Variants in MAP4K5 observed in about 807,000 individuals in gnomAD.
MAP4K5 encodes mitogen-activated protein kinase kinase kinase kinase 5, also known as MAPK/ERK kinase kinase kinase 5.
MAP4K5 carries 82 observed loss-of-function variants against 135.6 expected under a neutral mutation model. The ratio of observed to expected loss-of-function variants is 0.60; its 90% CI spans 0.51 to 0.73. The LOEUF (loss-of-function observed/expected upper bound fraction) is 0.73, where lower values mean the gene tolerates loss of function less well. Ranked by LOEUF, MAP4K5 falls within the 30% of genes least tolerant of loss-of-function variation. The pLI, the probability that MAP4K5 is intolerant of heterozygous loss-of-function variation, is 0.00. For synonymous variants in MAP4K5, 347 were observed against 335.0 expected (o/e 1.04, Z -0.39); for missense variants, 907 against 1,010.9 (o/e 0.90, Z 1.39).
intron 3 of MAP4K5, among the ~76,000 whole-genome samples, chr14:50,491,924 C>T (rs906408892): frequency 6.6e-6 from 1 of 152,006 alleles, no homozygotes; most frequent in Admixed American, 6.6e-5. Context: ...TGAGCTCAGG[C>T]GATCTGCCTG....
intron 1 of MAP4K5, chr14:50,560,555 C>T (rs537922816): frequency 4.5e-5 from 24 of 533,726 alleles, no homozygotes; most frequent in Non-Finnish European, 5.4e-5. Flanking sequence ...TCCCCACCCC[C>T]CTCCCGCCTC....
chr14:50,485,228 T>C (rs1350716904), intron 5 of MAP4K5, among the ~76,000 whole-genome samples: 3 of 152,154 alleles, frequency 2.0e-5, no homozygotes, highest in African/African-American at 7.2e-5. Flanking sequence ...CAGGTTAAGT[T>C]ACTAAGACAG....
intron 3 of MAP4K5, among the ~76,000 whole-genome samples, chr14:50,501,859 C>T (rs1311103147): frequency 1.3e-5 from 2 of 152,184 alleles, no homozygotes; most frequent in African/African-American, 4.8e-5. Context: ...AACTCCCCCA[C>T]TGGAATTCAA....
intron 3 of MAP4K5, among the ~76,000 whole-genome samples, chr14:50,502,727 GA>G (rs1566682063): frequency 1.3e-5 from 2 of 152,054 alleles, no homozygotes; most frequent in African/African-American, 4.8e-5. Context: ...GTTGAAGTAG[GA>G]ATAGAAAAAA....
At chr14:50,507,350 C>T (rs2037832681) in intron 2 of MAP4K5, among the ~76,000 whole-genome samples, 1 of 152,160 alleles carries the variant, frequency 6.6e-6, no homozygotes, top group Non-Finnish European at 1.5e-5. Context: ...TCTCTATCTC[C>T]TTCAGTTCTG....
chr14:50,514,102 G>T (rs376773197), intron 2 of MAP4K5, among the ~76,000 whole-genome samples: 8 of 151,954 alleles, frequency 5.3e-5, no homozygotes, highest in Non-Finnish European at 8.8e-5. Context: ...TTTTGAGGCC[G>T]AGTCTTGCTC....
At chr14:50,519,127 AAAT>A (rs1156836932) in intron 2 of MAP4K5, among the ~76,000 whole-genome samples, 3 of 152,116 alleles carry the variant, frequency 2.0e-5, no homozygotes, top group Non-Finnish European at 4.4e-5. Flanking sequence ...CTATACAAGA[AAAT>A]AATACACAAG....
At chr14:50,475,251 A>C (rs1250076378) in intron 8 of MAP4K5, 102 bp from the exon 9 acceptor site, 1 of 831,114 alleles carries the variant, frequency 1.2e-6, no homozygotes, top group Non-Finnish European at 2.0e-6. Flanking sequence ...TCAAATATTA[A>C]TGTTAGAAAA....
intron 25 of MAP4K5, 29 bp from the exon 26 acceptor site, chr14:50,437,563 T>A (rs1228020125): frequency 1.1e-5 from 15 of 1,427,618 alleles, no homozygotes; most frequent in Admixed American, 2.1e-5. Context: ...ATAAATGCAC[T>A]CTACAGTAGT....
At chr14:50,439,251 C>A (rs1426761788) in intron 23 of MAP4K5, among the ~76,000 whole-genome samples, 1 of 149,448 alleles carries the variant, frequency 6.7e-6, no homozygotes, top group East Asian at 2.0e-4. Context: ...TACTCTACTA[C>A]CAAAATGAAA....
intron 31 of MAP4K5, among the ~76,000 whole-genome samples, chr14:50,424,222 GAATT>G (rs1239876763): frequency 2.6e-5 from 4 of 151,240 alleles, no homozygotes; most frequent in African/African-American, 9.7e-5. Context: ...TGGGAAAATA[GAATT>G]AATAAGCTTG....
At chr14:50,474,869 T>G (rs549308048) in intron 9 of MAP4K5, among the ~76,000 whole-genome samples, 1 of 152,310 alleles carries the variant, frequency 6.6e-6, no homozygotes, top group South Asian at 2.1e-4. Context: ...ACAGGGATAG[T>G]AAAAATTATT....
chr14:50,508,163 T>A (rs1035490408), intron 2 of MAP4K5, among the ~76,000 whole-genome samples: 1 of 152,212 alleles, frequency 6.6e-6, no homozygotes, highest in Non-Finnish European at 1.5e-5. Flanking sequence ...GAGACTAGGA[T>A]TGCAACCCCT....
At chr14:50,471,229 A>C (rs1414624532) in intron 9 of MAP4K5, among the ~76,000 whole-genome samples, 1 of 152,164 alleles carries the variant, frequency 6.6e-6, no homozygotes, top group African/African-American at 2.4e-5. Context: ...AGTGATAGTA[A>C]GGATGCCCAT....
At chr14:50,429,542 A>C (rs1379219969) in intron 28 of MAP4K5, among the ~76,000 whole-genome samples, 1 of 152,228 alleles carries the variant, frequency 6.6e-6, no homozygotes, top group East Asian at 1.9e-4. Context: ...AAATGAAGCA[A>C]AGGTAAAATA....
chr14:50,435,390 G>A (rs542923455), intron 26 of MAP4K5, among the ~76,000 whole-genome samples: 1 of 152,014 alleles, frequency 6.6e-6, no homozygotes, highest in Non-Finnish European at 1.5e-5. Context: ...AAAGAGACAG[G>A]GTCTTGCTCT....
At chr14:50,473,257 T>C (rs995739364) in intron 9 of MAP4K5, among the ~76,000 whole-genome samples, 2 of 152,194 alleles carry the variant, frequency 1.3e-5, no homozygotes, top group African/African-American at 4.8e-5. Flanking sequence ...TGGTCTCAGG[T>C]AAAAAGTTTT....
chr14:50,537,699 AAGG>A (rs2038512370), intron 2 of MAP4K5, among the ~76,000 whole-genome samples: 1 of 152,246 alleles, frequency 6.6e-6, no homozygotes. Context: ...CATGGAGTCA[AAGG>A]AGATCATTTT....
At chr14:50,536,886 G>A (rs1222168688), upstream of MAP4K5, among the ~76,000 whole-genome samples, 1 of 152,198 alleles carries the variant, frequency 6.6e-6, no homozygotes, top group Non-Finnish European at 1.5e-5. Context: ...TCTTATAAGG[G>A]AAGCACAGCA....
Sources: allele counts gnomAD v4.1 joint callset (sites outside exome capture counted in the v4.1 genomes callset), GRCh38; gene constraint gnomAD v4.1.1; transcripts MANE v1.5; gene names NCBI Gene and HGNC (gene_info 2026-07-23, HGNC 2026-07-21).